The following GFOD2 variants were observed in gnomAD, a reference collection of about 807,000 sequenced individuals.
The protein encoded by GFOD2 is glucose-fructose oxidoreductase domain-containing protein 2.
Under a neutral mutation model 24.6 loss-of-function variants are expected in GFOD2, and 9 were observed. The ratio of observed to expected loss-of-function variants is 0.37; its 90% confidence interval spans 0.22 to 0.64. The LOEUF (loss-of-function observed/expected upper bound fraction) is 0.64, where lower values mean the gene tolerates loss of function less well. GFOD2 is among the 30% of genes least tolerant of loss of function. The pLI is 0.65. For synonymous variants in GFOD2, 211 were observed against 224.8 expected, an observed-to-expected ratio of 0.94 and a Z score of 0.55; for missense variants, 476 against 532.5, an observed-to-expected ratio of 0.89 and a Z score of 1.04.
chr16:67,703,391 A>G (rs1046534912), intron 1 of GFOD2, among the ~76,000 whole-genome samples: 3 of 152,186 alleles, frequency 2.0e-5, no homozygotes, highest in Non-Finnish European at 4.4e-5. Flanking sequence ...CAACAAGAGC[A>G]AAACTCTGTC....
chr16:67,708,627 A>G (rs551946430), intron 1 of GFOD2, among the ~76,000 whole-genome samples: 1 of 152,302 alleles, frequency 6.6e-6, no homozygotes, highest in South Asian at 2.1e-4. Context: ...TTGCAGTTGT[A>G]GCTATACAGG....
At chr16:67,718,335 C>A (rs1267201978) in intron 1 of GFOD2, among the ~76,000 whole-genome samples, 1 of 152,190 alleles carries the variant, frequency 6.6e-6, no homozygotes, top group Non-Finnish European at 1.5e-5. Flanking sequence ...ATTATGGGAA[C>A]AATGAACATA....
At chr16:67,702,933 C>A (rs1567660445) in intron 1 of GFOD2, among the ~76,000 whole-genome samples, 1 of 152,114 alleles carries the variant, frequency 6.6e-6, no homozygotes, top group Non-Finnish European at 1.5e-5. Context: ...GAATCACCCA[C>A]CTCACTGTGT....
chr16:67,701,590 T>C (rs2053402873), intron 1 of GFOD2, among the ~76,000 whole-genome samples: 1 of 151,924 alleles, frequency 6.6e-6, no homozygotes, highest in Non-Finnish European at 1.5e-5. Context: ...TTGTCAAGGG[T>C]TGGAACTGGG....
At position 67,675,244 on chromosome 16, in the gene GFOD2, ATCG is replaced by A; in HGVS notation, c.1066_1068del (p.Arg356del). On this transcript the variant is annotated inframe_deletion, in exon 3 of 3. Transcript: ENST00000268797. ...ACCTCCACAGCCTCCCACTCCCCGG[ATCG>A]GCTCGACCTCTTGATGGCATCCACC... 1 of 1,613,398 alleles carries A rather than the reference ATCG, an allele frequency of 6.2e-7. No homozygotes were observed. Among genetic ancestry groups the A allele is most frequent in the South Asian group, 1.1e-5 (1 of 91,088 alleles).
intron 1 of GFOD2, among the ~76,000 whole-genome samples, chr16:67,703,435 A>G (rs2053418054): frequency 7.6e-6 from 1 of 131,132 alleles, no homozygotes; most frequent in Admixed American, 7.4e-5. Flanking sequence ...AACAAAAAGG[A>G]AAAAAAAACC....
chr16:67,684,032 C>T (rs1320180763), intron 2 of GFOD2: 5 of 344,602 alleles, frequency 1.5e-5, no homozygotes, highest in Non-Finnish European at 2.0e-5. Context: ...CTTTGAATGT[C>T]CAAAATGACA....
At chr16:67,703,308 C>G (rs1201418203) in intron 1 of GFOD2, among the ~76,000 whole-genome samples, 1 of 152,116 alleles carries the variant, frequency 6.6e-6, no homozygotes, top group African/African-American at 2.4e-5. Flanking sequence ...GAGGCTGAGG[C>G]AGGAGAATCG....
At chr16:67,685,088 TG>T in intron 2 of GFOD2, 1 of 1,230,638 alleles carries the variant, frequency 8.1e-7, no homozygotes, top group Non-Finnish European at 1.0e-6. Flanking sequence ...TGTGGTGCTG[TG>T]TGCCCCAGAA....
chr16:67,715,064 CT>C (rs905357444), intron 1 of GFOD2, among the ~76,000 whole-genome samples: 34 of 146,998 alleles, frequency 2.3e-4, no homozygotes, highest in East Asian at 5.9e-4. Flanking sequence ...TATTTTCTTT[CT>C]TTTTTTTTTT....
intron 2 of GFOD2, among the ~76,000 whole-genome samples, chr16:67,679,841 A>G (rs2053211039): frequency 6.6e-6 from 1 of 151,082 alleles, no homozygotes; most frequent in African/African-American, 2.4e-5. Context: ...GAGCTGAGAT[A>G]GTGCCATTGC....
chr16:67,688,536 C>A (rs1000720353), intron 1 of GFOD2, among the ~76,000 whole-genome samples: 23 of 152,050 alleles, frequency 1.5e-4, no homozygotes, highest in African/African-American at 5.1e-4. Flanking sequence ...TGTAGGTGTG[C>A]TCAGAATATC....
At chr16:67,686,586 T>C (rs1365561459) in intron 1 of GFOD2, among the ~76,000 whole-genome samples, 1 of 152,038 alleles carries the variant, frequency 6.6e-6, no homozygotes, top group Non-Finnish European at 1.5e-5. Context: ...TCCCAGCACT[T>C]TGGGAGGCCA....
At chr16:67,683,981 C>T in intron 2 of GFOD2, 1 of 864,530 alleles carries the variant, frequency 1.2e-6, no homozygotes, top group South Asian at 5.4e-5. Flanking sequence ...CTCAATTGGA[C>T]TATAAAATCT....
intron 1 of GFOD2, among the ~76,000 whole-genome samples, chr16:67,712,198 T>C (rs556857685): frequency 3.3e-5 from 5 of 151,422 alleles, no homozygotes; most frequent in Admixed American, 2.6e-4. Context: ...AAACCATATA[T>C]ACTGAGCTCA....
At chr16:67,692,001 TCA>T (rs1236285582) in intron 1 of GFOD2, among the ~76,000 whole-genome samples, 6 of 152,198 alleles carry the variant, frequency 3.9e-5, no homozygotes, top group African/African-American at 1.4e-4. Context: ...ATTTTGTGAC[TCA>T]CAAATTCTAC....
chr16:67,687,090 G>A (rs546417735), intron 1 of GFOD2, among the ~76,000 whole-genome samples: 5 of 149,894 alleles, frequency 3.3e-5, no homozygotes, highest in Admixed American at 1.3e-4. Context: ...GAAAGTTGCA[G>A]TGATCTGAGA....
At chr16:67,686,600 C>T (rs376948925) in intron 1 of GFOD2, among the ~76,000 whole-genome samples, 4 of 151,152 alleles carry the variant, frequency 2.6e-5, no homozygotes, top group East Asian at 1.9e-4. Flanking sequence ...GAGGCCAAGG[C>T]GGGCGGATCA....
intron 1 of GFOD2, among the ~76,000 whole-genome samples, chr16:67,698,387 A>G (rs886745899): frequency 6.6e-6 from 1 of 152,168 alleles, no homozygotes; most frequent in African/African-American, 2.4e-5. Context: ...TCCCTTCATT[A>G]AAGAGTTTTT....
Sources: gnomAD v4.1 joint callset for allele counts (sites outside exome capture counted in the v4.1 genomes callset) on GRCh38, gnomAD v4.1.1 for gene constraint, MANE v1.5 for transcripts, NCBI Gene and HGNC (gene_info 2026-07-23, HGNC 2026-07-21) for gene names.